The following NCKAP5 variants were observed in gnomAD, a reference collection of about 807,000 sequenced individuals.
NCKAP5 encodes the protein nck-associated protein 5.
Under a neutral mutation model 167.0 loss-of-function variants are expected in NCKAP5, and 92 were observed. That is an observed-to-expected ratio of 0.55 (90% CI 0.47 to 0.66). The LOEUF is 0.66. Among genes scored for constraint, NCKAP5 ranks in the 30% least tolerant of loss-of-function variants. The pLI is 0.00. For missense variants in NCKAP5, 2,378 were observed against 2,315.0 expected (o/e 1.03, Z -0.56); for synonymous variants, 891 against 877.4 (o/e 1.02, Z -0.27).
At chr2:133,242,678 A>G (rs2087774660) in intron 4 of NCKAP5, among the ~76,000 whole-genome samples, 2 of 152,250 alleles carry the variant, frequency 1.3e-5, no homozygotes, top group Non-Finnish European at 2.9e-5. Context: ...GCTCCAATCT[A>G]TCGACTTTAA....
intron 11 of NCKAP5, among the ~76,000 whole-genome samples, chr2:132,834,470 G>A (rs1384047917): frequency 2.6e-5 from 4 of 151,982 alleles, no homozygotes; most frequent in African/African-American, 4.8e-5. Context: ...TCAGCCTCCC[G>A]AGTACCTGGG....
intron 6 of NCKAP5, among the ~76,000 whole-genome samples, chr2:133,104,734 C>CAA (rs1239614227): frequency 1.3e-5 from 2 of 152,190 alleles, no homozygotes; most frequent in Admixed American, 6.5e-5. Flanking sequence ...CCTAAACACT[C>CAA]AAAGATCATT....
chr2:133,275,210 C>T (rs1351539745), intron 4 of NCKAP5, among the ~76,000 whole-genome samples: 1 of 152,008 alleles, frequency 6.6e-6, no homozygotes, highest in African/African-American at 2.4e-5. Flanking sequence ...AATGAGGTAG[C>T]ATTTCATGCC....
intron 2 of NCKAP5, among the ~76,000 whole-genome samples, chr2:133,552,803 G>C (rs923138591): frequency 6.6e-6 from 1 of 151,734 alleles, no homozygotes; most frequent in Non-Finnish European, 1.5e-5. Flanking sequence ...AAGCCATGAG[G>C]GGGAAAGAAA....
rs144059712 is a variant in NCKAP5 at position 132,748,387 on chromosome 2, C to A, written c.5129-16336G>T. On this transcript the variant is annotated intron_variant, in intron 16 of 19. Transcript: ENST00000409261. ...TCACTGGCAGGGAAGATTGCCATGA[C>A]CGCCTTCATCAGGCTTCACTCCTGG... Among the ~76,000 whole-genome samples, 1,049 of 152,364 alleles carry A rather than the reference C, an allele frequency of 6.9e-3. 16 individuals are homozygous for A. Among genetic ancestry groups the A allele is most frequent in the African/African-American group, 0.023 (975 of 41,584 alleles).
chr2:132,744,645 A>C (rs1446114943), intron 16 of NCKAP5, among the ~76,000 whole-genome samples: 1 of 150,378 alleles, frequency 6.6e-6, no homozygotes, highest in Non-Finnish European at 1.5e-5. Context: ...TAAAAAAAAA[A>C]ACAATTTAAA....
intron 3 of NCKAP5, among the ~76,000 whole-genome samples, chr2:133,513,190 T>C (rs1448097148): frequency 1.3e-5 from 2 of 152,184 alleles, no homozygotes; most frequent in Non-Finnish European, 2.9e-5. Context: ...GAACCATTAC[T>C]ATGAAGAATC....
intron 3 of NCKAP5, among the ~76,000 whole-genome samples, chr2:133,360,192 C>G (rs1685006980): frequency 6.6e-6 from 1 of 152,134 alleles, no homozygotes; most frequent in Non-Finnish European, 1.5e-5. Flanking sequence ...ATTCCCAATT[C>G]AAGTAGGTAG....
chr2:132,718,999 G>C (rs1689645131), intron 19 of NCKAP5, among the ~76,000 whole-genome samples: 1 of 152,128 alleles, frequency 6.6e-6, no homozygotes, highest in Non-Finnish European at 1.5e-5. Context: ...CTTCCTGCTG[G>C]GGGTAAAGTC....
At chr2:133,005,455 ATGT>A in intron 6 of NCKAP5, among the ~76,000 whole-genome samples, 2 of 152,302 alleles carry the variant, frequency 1.3e-5, no homozygotes, top group Middle Eastern at 6.8e-3. Flanking sequence ...ATCATTTCCC[ATGT>A]TCAGTCTCAT....
At chr2:132,830,463 C>G (rs1687442508) in intron 11 of NCKAP5, among the ~76,000 whole-genome samples, 1 of 151,856 alleles carries the variant, frequency 6.6e-6, no homozygotes, top group Non-Finnish European at 1.5e-5. Flanking sequence ...GGAGGGTAAA[C>G]AGTATCTCAC....
chr2:133,470,499 C>T (rs933022536), intron 3 of NCKAP5, among the ~76,000 whole-genome samples: 2 of 152,238 alleles, frequency 1.3e-5, no homozygotes, highest in African/African-American at 2.4e-5. Context: ...GTGGAGCCTA[C>T]AGAGGCAGGC....
the NCKAP5 span, among the ~76,000 whole-genome samples, chr2:133,642,238 C>A: frequency 1.3e-5 from 2 of 152,144 alleles, no homozygotes; most frequent in Admixed American, 1.3e-4. Context: ...TTAATCTACT[C>A]ATACAGGATC....
intron 3 of NCKAP5, among the ~76,000 whole-genome samples, chr2:133,348,892 G>T (rs1393808974): frequency 6.6e-6 from 1 of 152,130 alleles, no homozygotes; most frequent in East Asian, 1.9e-4. Flanking sequence ...AAGACATAAA[G>T]CAAATAAGGA....
chr2:132,967,954 G>A (rs1025733394), intron 7 of NCKAP5, among the ~76,000 whole-genome samples: 5 of 151,952 alleles, frequency 3.3e-5, no homozygotes, highest in Non-Finnish European at 7.4e-5. Context: ...ATGATGAGGA[G>A]GAAGTAGCTG....
the NCKAP5 span, among the ~76,000 whole-genome samples, chr2:133,589,657 A>G: frequency 6.6e-6 from 1 of 152,222 alleles, no homozygotes; most frequent in East Asian, 1.9e-4. Context: ...ATGTTCAGGC[A>G]CATTATAATC....
At chr2:132,758,379 T>A (rs1396929739) in intron 16 of NCKAP5, among the ~76,000 whole-genome samples, 20 of 152,178 alleles carry the variant, frequency 1.3e-4, no homozygotes, top group Admixed American at 1.2e-3. Context: ...GCCAGCCTTT[T>A]TAAAAAATAA....
At chr2:132,793,307 C>T (rs1357996127) in intron 12 of NCKAP5, among the ~76,000 whole-genome samples, 5 of 152,262 alleles carry the variant, frequency 3.3e-5, no homozygotes, top group South Asian at 2.1e-4. Context: ...CGTGCCCAGC[C>T]GAGATGCCCT....
chr2:133,168,116 C>A (rs1339273281), intron 5 of NCKAP5, among the ~76,000 whole-genome samples: 1 of 152,064 alleles, frequency 6.6e-6, no homozygotes, highest in Non-Finnish European at 1.5e-5. Flanking sequence ...AAATGCAGGC[C>A]TGAAGAGGTC....
Sources: gnomAD v4.1 joint callset for allele counts (sites outside exome capture counted in the v4.1 genomes callset) on GRCh38, gnomAD v4.1.1 for gene constraint, MANE v1.5 for transcripts, NCBI Gene and HGNC (gene_info 2026-07-23, HGNC 2026-07-21) for gene names.